Variants in ATP8B4 observed in about 807,000 individuals in gnomAD.
ATP8B4 encodes the protein ATPase phospholipid transporting 8B4 (putative).
A neutral mutation model predicts 145.6 loss-of-function variants in ATP8B4; 133 were observed. The ratio of observed to expected loss-of-function variants is 0.91; its 90% CI spans 0.79 to 1.05. The LOEUF (loss-of-function observed/expected upper bound fraction) is 1.05, where lower values mean the gene tolerates loss of function less well. ATP8B4 is among the 50% of genes least tolerant of loss of function. The pLI is 0.00. For missense variants in ATP8B4, 1,458 were observed against 1,425.2 expected (o/e 1.02, Z -0.37); for synonymous variants, 507 against 492.9 (o/e 1.03, Z -0.38).
Position 49,980,019 on chromosome 15 carries a change from C to G in ATP8B4, c.838-206G>C, listed in dbSNP as rs188150809. On this transcript the variant is annotated intron_variant, in intron 11 of 27. Coordinates refer to ENST00000284509, the MANE Select transcript of ATP8B4 (RefSeq NM_024837.4). Reference sequence around the variant, plus strand: ...TTCTCACTGAATTTGCCCATTGACTCTCTAAGATGGGAACAGTCATTATCC... The same window carrying G: ...TTCTCACTGAATTTGCCCATTGACTGTCTAAGATGGGAACAGTCATTATCC... Among the ~76,000 whole-genome samples the G allele has an allele frequency of 4.9e-3, 743 of 152,216 alleles. 3 individuals carry two copies. The highest frequency in any genetic ancestry group is 6.7e-3 in the Non-Finnish European group (454 of 68,000).
intron 1 of ATP8B4, among the ~76,000 whole-genome samples, chr15:50,147,086 G>A (rs1184754639): frequency 1.3e-5 from 2 of 152,160 alleles, no homozygotes; most frequent in Non-Finnish European, 2.9e-5. Context: ...GTTGGGTTAC[G>A]AAGTTAGAGG....
intron 6 of ATP8B4, among the ~76,000 whole-genome samples, chr15:50,030,610 T>C (rs1276051429): frequency 1.6e-4 from 25 of 152,162 alleles, no homozygotes; most frequent in Admixed American, 1.6e-3. Context: ...GTGTATGAAA[T>C]AAACCCCCTC....
chr15:49,863,966 A>C (rs2032328897), intron 26 of ATP8B4, among the ~76,000 whole-genome samples: 1 of 152,192 alleles, frequency 6.6e-6, no homozygotes, highest in African/African-American at 2.4e-5. Context: ...TTCTAGTCTC[A>C]TTATGCATCA....
intron 1 of ATP8B4, among the ~76,000 whole-genome samples, chr15:50,159,576 A>G (rs1331900311): frequency 6.6e-6 from 1 of 152,218 alleles, no homozygotes; most frequent in Admixed American, 6.5e-5. Flanking sequence ...TCAACATCTC[A>G]GAGGAAAGGC....
chr15:50,052,855 A>G (rs1053917463), intron 3 of ATP8B4, among the ~76,000 whole-genome samples: 1 of 152,174 alleles, frequency 6.6e-6, no homozygotes, highest in Non-Finnish European at 1.5e-5. Context: ...TCAAGACCAA[A>G]AGAGTCTTTA....
At chr15:49,967,415 A>G (rs2153516560) in intron 13 of ATP8B4, among the ~76,000 whole-genome samples, 1 of 152,308 alleles carries the variant, frequency 6.6e-6, no homozygotes, top group South Asian at 2.1e-4. Context: ...ACCAGTTGGG[A>G]GAAGAACATA....
At chr15:49,878,117 C>T (rs142576877) in intron 24 of ATP8B4, among the ~76,000 whole-genome samples, 3 of 152,242 alleles carry the variant, frequency 2.0e-5, no homozygotes, top group African/African-American at 7.2e-5. Flanking sequence ...TAATAGGAAG[C>T]CTTATTATAT....
intron 5 of ATP8B4, among the ~76,000 whole-genome samples, chr15:50,043,959 C>CAAA (rs71424043): frequency 1.3e-5 from 1 of 75,022 alleles, no homozygotes. Flanking sequence ...GACTCCGTTT[C>CAAA]AAAAAAAAAA....
intron 10 of ATP8B4, among the ~76,000 whole-genome samples, chr15:49,982,213 G>A (rs1464047830): frequency 6.6e-6 from 1 of 152,056 alleles, no homozygotes. Flanking sequence ...GTCAGGGAAG[G>A]ACAGGCACAT....
intron 18 of ATP8B4, 62 bp downstream of exon 18, chr15:49,920,184 A>C (rs1469003271): frequency 1.9e-6 from 3 of 1,565,926 alleles, no homozygotes; most frequent in Middle Eastern, 1.7e-4. Flanking sequence ...TTCCTGTGCT[A>C]AATCTCTAAA....
At chr15:49,870,003 G>A (rs1272332844) in intron 25 of ATP8B4, among the ~76,000 whole-genome samples, 2 of 152,116 alleles carry the variant, frequency 1.3e-5, no homozygotes, top group Non-Finnish European at 1.5e-5. Context: ...TCTAACCCCA[G>A]AAGTCTCATT....
At position 49,931,147 on chromosome 15, in the gene ATP8B4, G is replaced by C; in HGVS notation, c.1614C>G (p.Asn538Lys). The C allele has an allele frequency of 6.2e-7, 1 of 1,611,412 alleles. No individual in the cohort carries two copies. Among genetic ancestry groups the C allele is most frequent in the Non-Finnish European group, 8.5e-7 (1 of 1,178,480 alleles). The change falls in exon 16 of 28, where the codon AAC (asparagine) becomes AAG (lysine). Residue 538 changes from asparagine to lysine, a missense_variant. Physicochemically the swap from Asn to Lys is moderately conservative, Grantham distance 94 (BLOSUM62 0). Transcript: ENST00000284509. ...TGACAGACATCCTTTTTCTGGTGTTGTTGAAATCCAAAAAGGCAAGTAATT... is the reference window on the plus strand; with the variant it reads ...TGACAGACATCCTTTTTCTGGTGTTCTTGAAATCCAAAAAGGCAAGTAATT... ...TYQLLAFLDF[N>K]NTRKRMSVIV...
intron 14 of ATP8B4, among the ~76,000 whole-genome samples, chr15:49,936,577 T>C (rs1460857225): frequency 6.6e-6 from 1 of 152,166 alleles, no homozygotes; most frequent in African/African-American, 2.4e-5. Context: ...AGCTTTAAGT[T>C]CCTCTCTTTA....
At chr15:49,980,094 T>TAC (rs2046022979) in intron 11 of ATP8B4, among the ~76,000 whole-genome samples, 7 of 152,176 alleles carry the variant, frequency 4.6e-5, no homozygotes, top group African/African-American at 1.4e-4. Flanking sequence ...AGAAAGACTA[T>TAC]GTAACTTGTC....
intron 14 of ATP8B4, among the ~76,000 whole-genome samples, chr15:49,937,354 A>G (rs2041823130): frequency 6.6e-6 from 1 of 152,142 alleles, no homozygotes; most frequent in Non-Finnish European, 1.5e-5. Context: ...TAGCTGCCCC[A>G]ATTCTACCCA....
chr15:49,976,184 C>T (rs773504665), intron 12 of ATP8B4, among the ~76,000 whole-genome samples: 6 of 152,054 alleles, frequency 3.9e-5, no homozygotes, highest in Non-Finnish European at 8.8e-5. Context: ...TATTAAGATA[C>T]ATAACTGACA....
At chr15:49,979,580 T>G (rs752919549) in intron 12 of ATP8B4, 37 bp downstream of exon 12, 3 of 1,368,526 alleles carry the variant, frequency 2.2e-6, no homozygotes, top group Non-Finnish European at 2.9e-6. Context: ...AAGGTTTTGA[T>G]GAAATTATTT....
At chr15:49,879,631 G>T in intron 23 of ATP8B4, 172 bp from the exon 24 acceptor site, 1 of 588,922 alleles carries the variant, frequency 1.7e-6, no homozygotes, top group Non-Finnish European at 3.0e-6. Context: ...GCCTTAATGG[G>T]ATACTAGATC....
intron 23 of ATP8B4, chr15:49,895,083 G>C (rs2037254365): frequency 6.6e-6 from 1 of 152,210 alleles, no homozygotes. Flanking sequence ...ATGCCTCAGG[G>C]ACAGTGGTCT....
Sources: gnomAD v4.1 joint callset for allele counts (sites outside exome capture counted in the v4.1 genomes callset) on GRCh38, gnomAD v4.1.1 for gene constraint, MANE v1.5 for transcripts, NCBI Gene and HGNC (gene_info 2026-07-23, HGNC 2026-07-21) for gene names.